The following ADGRB2 variants were observed in gnomAD, a reference collection of about 807,000 sequenced individuals.
ADGRB2 encodes the protein brain-specific angiogenesis inhibitor 2.
ADGRB2 carries 47 observed loss-of-function variants against 178.7 expected under a neutral mutation model. The ratio of observed to expected loss-of-function variants is 0.26; its 90% CI spans 0.21 to 0.34. ADGRB2 has a LOEUF of 0.34. ADGRB2 is among the 10% of genes least tolerant of loss of function. The pLI is 1.00. For missense variants in ADGRB2, 1,584 were observed against 2,180.8 expected, an observed-to-expected ratio of 0.73 and a Z score of 5.45; for synonymous variants, 870 against 912.4, an observed-to-expected ratio of 0.95 and a Z score of 0.84.
At position 31,753,260 on chromosome 1, in the gene ADGRB2, T is replaced by G. The variant is rs1285720989; in HGVS notation, c.838+2739A>C. ...CTTTCTTTTCTTCCTTTTCCCCCAC[T>G]TAACAGATTGCGGCAGCAAGATGGC... is the stretch of plus-strand genomic sequence containing the variant. On this transcript the variant is annotated intron_variant, in intron 4 of 32. Transcript: ENST00000373658. This position sits in a 1 kb window ranked among gnomAD's most constrained non-coding sequence, Gnocchi z 4.1. 2.0e-5 allele frequency among the ~76,000 whole-genome samples: 3 copies of G among 152,122 alleles called. No individual in the cohort carries two copies. Among genetic ancestry groups the G allele is most frequent in the African/African-American group, 7.2e-5 (3 of 41,414 alleles).
chr1:31,760,225 G>A (rs1646999093), intron 1 of ADGRB2, among the ~76,000 whole-genome samples: 1 of 152,130 alleles, frequency 6.6e-6, no homozygotes, highest in Non-Finnish European at 1.5e-5. Flanking sequence ...GGCTGATAGA[G>A]AGGAGGATCA....
rs999311566 is a variant in ADGRB2 at position 31,759,889 on chromosome 1, C to G, written c.-190-2378G>C. Among the ~76,000 whole-genome samples the G allele has an allele frequency of 6.6e-6, 1 of 152,128 alleles. No homozygotes were observed. Among genetic ancestry groups the G allele is most frequent in the Admixed American group, 6.5e-5 (1 of 15,268 alleles). ...CAAGTGGCTCTTAGTCATGATTAACCCCCCTGAGCCTGTTTCCCTCTCTGT... is the reference window on the plus strand; with the variant it reads ...CAAGTGGCTCTTAGTCATGATTAACGCCCCTGAGCCTGTTTCCCTCTCTGT... On this transcript the variant is annotated intron_variant, in intron 1 of 32. Coordinates refer to ENST00000373658, the MANE Select transcript of ADGRB2 (RefSeq NM_001364857.2). The surrounding 1 kb of genome is among the most constrained non-coding windows in gnomAD (Gnocchi z 4.3).
In ADGRB2 at chr1:31,735,276, TC is replaced by T; in HGVS notation, c.3358del (p.Glu1120SerfsTer56). 1 of 1,475,084 alleles carries T rather than the reference TC, an allele frequency of 6.8e-7. No homozygotes were observed. 91.4% of individuals were successfully genotyped at this position (1,475,084 alleles called of 1,614,324 possible). ...GAGCAGGCTGGCCCAGGGGCACCGC[TC>T]CGACCTCGGGGGCGGCACAGACATG... ...DKSKKQRAGS[E>X]RCPWASLLLP... On this transcript the variant is annotated frameshift_variant, in exon 25 of 33. Coordinates refer to ENST00000373658, the MANE Select transcript of ADGRB2 (RefSeq NM_001364857.2). LOFTEE classifies it high-confidence loss of function. The surrounding 1 kb of genome is among the most constrained non-coding windows in gnomAD (Gnocchi z 6.0).
chr1:31,760,528 G>A (rs1015868844), intron 1 of ADGRB2, among the ~76,000 whole-genome samples: 7 of 151,752 alleles, frequency 4.6e-5, no homozygotes, highest in African/African-American at 1.5e-4. Flanking sequence ...CGGGAGAGGG[G>A]TGTCTCAGGC....
At position 31,740,002 on chromosome 1, in the gene ADGRB2, G is replaced by A. The variant is rs185106173; in HGVS notation, c.2091C>T (p.Val697=). ...VSPGSVHLLR[V]VEDFIHLVGD... ...CCACCAGGTGAATGAAGTCCTCCAC[G>A]ACACGGAGCAGGTGCACAGAGCCAG... Residue 697 remains valine, a synonymous_variant, in exon 14 of 33, where the codon GTC becomes GTT. Transcript: ENST00000373658. The surrounding 1 kb of genome is among the most constrained non-coding windows in gnomAD (Gnocchi z 5.9). 389 of 1,614,164 alleles carry A rather than the reference G, an allele frequency of 2.4e-4. 5 individuals are homozygous for A. Among genetic ancestry groups the A allele is most frequent in the Middle Eastern group, 3.3e-4 (2 of 6,062 alleles).
At position 31,732,162 on chromosome 1, in the gene ADGRB2, C is replaced by A; in HGVS notation, c.3721-8G>T. 6.2e-7 allele frequency: 1 copy of A among 1,614,088 alleles called. No homozygotes were observed. The highest frequency in any genetic ancestry group is 8.5e-7 in the Non-Finnish European group (1 of 1,179,968). ...ATCCTTTTCAAAGTCTGACTATAGGCAGAAAGGGAGGGGCAGGTGGGCAGA... is the reference window on the plus strand; with the variant it reads ...ATCCTTTTCAAAGTCTGACTATAGGAAGAAAGGGAGGGGCAGGTGGGCAGA... On this transcript the variant is annotated splice_polypyrimidine_tract_variant and splice_region_variant and intron_variant, in intron 27 of 32. Coordinates refer to ENST00000373658, the MANE Select transcript of ADGRB2 (RefSeq NM_001364857.2).
In ADGRB2 at chr1:31,761,069, T is replaced by C. The variant is rs925811580; in HGVS notation, c.-191+2815A>G. On this transcript the variant is annotated intron_variant, in intron 1 of 32. Coordinates refer to ENST00000373658, the MANE Select transcript of ADGRB2 (RefSeq NM_001364857.2). This position sits in a 1 kb window ranked among gnomAD's most constrained non-coding sequence, Gnocchi z 4.2. The stretch of plus-strand genomic sequence containing the variant: ...GGAGGGGGCGGTGACTCAGCCGCCC[T>C]CCGCCCGCCTCCCCGGAACTTTGCA... 6.6e-6 allele frequency: 1 copy of C among 150,994 alleles called. No homozygotes were observed. The highest frequency in any genetic ancestry group is 2.4e-5 in the African/African-American group (1 of 40,944). The allele number at this position is 150,994 out of a possible 1,614,324, so 9.4% of individuals were successfully genotyped here. A position where few individuals can be genotyped will look rare whatever the true frequency, so the allele number is the denominator to read the frequency against.
intron 14 of ADGRB2, 29 bp from the exon 15 acceptor site, chr1:31,739,664 A>G (rs1168245251): frequency 1.3e-6 from 2 of 1,548,670 alleles, no homozygotes; most frequent in East Asian, 4.5e-5. Flanking sequence ...GGACAGAGAC[A>G]GACAGAGGGG....
In ADGRB2 at chr1:31,741,784, G is replaced by T. The variant is rs373175664; in HGVS notation, c.1585+16C>A. 3.8e-6 allele frequency: 6 copies of T among 1,596,734 alleles called. No homozygotes were observed. The highest frequency in any genetic ancestry group is 1.7e-5 in the Admixed American group (1 of 59,224). On this transcript the variant is annotated intron_variant, in intron 9 of 32. Transcript: ENST00000373658. This position sits in a 1 kb window ranked among gnomAD's most constrained non-coding sequence, Gnocchi z 6.5. ...ACACATGGGGCCCCCAGCCCCCAGG[G>T]TCATTAGGGCAGTACCTGGACACCT...
chr1:31,728,627 T>C lies in ADGRB2; in HGVS notation c.4387A>G (p.Lys1463Glu). The change falls in exon 30 of 33, where the codon AAA becomes GAA. Residue 1463 changes from lysine (K) to glutamate (E), a missense_variant. Transcript: ENST00000373658. This position sits in a 1 kb window ranked among gnomAD's most constrained non-coding sequence, Gnocchi z 6.7. ...AAGTCCAGGTCTGAATACCGTAATT[T>C]CTTTCGCTGGGAAGGAGCAACAAGG... ...TMKMGSLERKKLRYSDLDFEK... is the reference protein window; with the variant it reads ...TMKMGSLERKELRYSDLDFEK... 1 of 1,613,990 alleles carries C rather than the reference T, an allele frequency of 6.2e-7. No individual in the cohort carries two copies.
At position 31,744,264 on chromosome 1, in the gene ADGRB2, G is replaced by C. The variant is rs1259312141; in HGVS notation, c.1016C>G (p.Ser339Cys). ...LQVRTRSCVS[S>C]PYGTLCSGPL... ...CCCGCTGCACAGGGTCCCATAGGGG[G>C]AGGACACACAGGAGCGGGTCCGCAC... is the stretch of plus-strand genomic sequence containing the variant. The change falls in exon 6 of 33, where the codon TCC becomes TGC. Residue 339 changes from serine (S) to cysteine (C), a missense_variant. Physicochemically the swap from Ser to Cys is moderately radical, Grantham distance 112 (BLOSUM62 -1). Transcript: ENST00000373658. The surrounding 1 kb of genome is among the most constrained non-coding windows in gnomAD (Gnocchi z 6.7). The C allele has an allele frequency of 2.6e-6, 4 of 1,551,176 alleles. 1 individual carries two copies. The highest frequency in any genetic ancestry group is 3.5e-6 in the Non-Finnish European group (4 of 1,146,838).
rs1385340552 is a variant in ADGRB2 at position 31,733,169 on chromosome 1, C to T, written c.3453-26G>A. The T allele has an allele frequency of 6.4e-7, 1 of 1,558,250 alleles. No individual in the cohort carries two copies. The highest frequency in any genetic ancestry group is 8.7e-7 in the Non-Finnish European group (1 of 1,151,986). ...CTGAGGGGACAGTGGCAGAGCCCAT[C>T]AGAGTGACACTCCGGGGGACAGGAT... On this transcript the variant is annotated intron_variant, in intron 25 of 32. Coordinates refer to ENST00000373658, the MANE Select transcript of ADGRB2 (RefSeq NM_001364857.2). The surrounding 1 kb of genome is among the most constrained non-coding windows in gnomAD (Gnocchi z 4.3).
At chr1:31,736,256 C>A (rs903521321) in intron 22 of ADGRB2, 65 bp downstream of exon 22, 59 of 1,565,752 alleles carry the variant, frequency 3.8e-5, no homozygotes, top group Non-Finnish European at 5.2e-5. Context: ...TTTCAGCCAG[C>A]TGCCCAGTCC....
chr1:31,744,174 G>A lies in ADGRB2; in HGVS notation c.1087+19C>T. ...CCTAACCCTGCAGGCAGGTGGGGTGGGGAGGAGGATGGGCCTACCTGGGCA... is the reference window on the plus strand; with the variant it reads ...CCTAACCCTGCAGGCAGGTGGGGTGAGGAGGAGGATGGGCCTACCTGGGCA... On this transcript the variant is annotated intron_variant, in intron 6 of 32. Coordinates refer to ENST00000373658, the MANE Select transcript of ADGRB2 (RefSeq NM_001364857.2). The surrounding 1 kb of genome is among the most constrained non-coding windows in gnomAD (Gnocchi z 6.7). 1 of 1,509,694 alleles carries A rather than the reference G, an allele frequency of 6.6e-7. No individual in the cohort carries two copies. Among genetic ancestry groups the A allele is most frequent in the Non-Finnish European group, 8.9e-7 (1 of 1,123,336 alleles). The allele number at this position is 1,509,694 out of a possible 1,614,324, so 93.5% of individuals were successfully genotyped here. A position where few individuals can be genotyped will look rare whatever the true frequency, so the allele number is the denominator to read the frequency against.
At chr1:31,730,711 C>T (rs1645236332) in intron 29 of ADGRB2, 89 bp downstream of exon 29, 12 of 1,391,222 alleles carry the variant, frequency 8.6e-6, no homozygotes, top group Non-Finnish European at 1.1e-5. Flanking sequence ...CGAGAGGCCG[C>T]TCTGGGGAGG....
intron 1 of ADGRB2, among the ~76,000 whole-genome samples, chr1:31,763,043 G>A (rs1046145617): frequency 6.6e-6 from 1 of 152,258 alleles, no homozygotes; most frequent in African/African-American, 2.4e-5. Context: ...GGATCATGCC[G>A]GCCCTGGGGC....
chr1:31,740,149 C>T lies in ADGRB2; in HGVS notation c.2019G>A (p.Val673=), dbSNP rs1289577734. The T allele has an allele frequency of 1.2e-6, 2 of 1,614,126 alleles. No homozygotes were observed. Among genetic ancestry groups the T allele is most frequent in the Admixed American group, 1.7e-5 (1 of 60,022 alleles). Residue 673 remains valine, a synonymous_variant, in exon 13 of 33, where the codon GTG becomes GTA. Transcript: ENST00000373658. The surrounding 1 kb of genome is among the most constrained non-coding windows in gnomAD (Gnocchi z 5.9). ...CCCACTTCTCCTTGTTTTCCGCATC[C>T]ACCATGAAGCTCACCACCTGGAAGA... ...QRFFQVVSFM[V]DAENKEKWDD...
In ADGRB2 at chr1:31,727,867, C is replaced by T; in HGVS notation, c.4572+158G>A. The stretch of plus-strand genomic sequence containing the variant: ...GACCTCCACCCCTGTTCGCCATCTG[C>T]AGCACCTTCCCCACCCCCAGGCGGC... On this transcript the variant is annotated intron_variant, in intron 32 of 32. Coordinates refer to ENST00000373658, the MANE Select transcript of ADGRB2 (RefSeq NM_001364857.2). The surrounding 1 kb of genome is among the most constrained non-coding windows in gnomAD (Gnocchi z 4.4). 3 of 1,067,944 alleles carry T rather than the reference C, an allele frequency of 2.8e-6. No individual in the cohort carries two copies. Among genetic ancestry groups the T allele is most frequent in the Non-Finnish European group, 3.9e-6 (3 of 762,730 alleles). The allele number at this position is 1,067,944 out of a possible 1,614,324, so 66.2% of individuals were successfully genotyped here.
At chr1:31,736,263 G>C in intron 22 of ADGRB2, 58 bp downstream of exon 22, 1 of 1,587,902 alleles carries the variant, frequency 6.3e-7, no homozygotes, top group Non-Finnish European at 8.6e-7. Flanking sequence ...CAGCTGCCCA[G>C]TCCGATTCCC....
Sources: allele counts gnomAD v4.1 joint callset (sites outside exome capture counted in the v4.1 genomes callset), GRCh38; gene constraint gnomAD v4.1.1; non-coding constraint Gnocchi (gnomAD v3.1); transcripts MANE v1.5; gene names NCBI Gene and HGNC (gene_info 2026-07-23, HGNC 2026-07-21).